TUFT1: variants seen among roughly 807,000 people sequenced by gnomAD.
The protein encoded by TUFT1 is tuftelin 1.
A neutral mutation model predicts 57.8 loss-of-function variants in TUFT1; 43 were observed. The observed-to-expected ratio is 0.74, with a 90% confidence interval of 0.58 to 0.96. The LOEUF (loss-of-function observed/expected upper bound fraction) is 0.96. TUFT1 is among the 40% of genes least tolerant of loss of function. The pLI is 0.00. For missense variants in TUFT1, 459 were observed against 489.0 expected (o/e 0.94, Z 0.58); for synonymous variants, 166 against 176.7 (o/e 0.94, Z 0.48).
At chr1:151,543,088 T>C (rs1221542808) in intron 1 of TUFT1, among the ~76,000 whole-genome samples, 2 of 152,312 alleles carry the variant, frequency 1.3e-5, no homozygotes, top group South Asian at 4.1e-4. Flanking sequence ...TGCCTTAGCG[T>C]ATCACATGTG....
intron 9 of TUFT1, among the ~76,000 whole-genome samples, chr1:151,577,132 A>G (rs1666492869): frequency 1.3e-5 from 2 of 152,188 alleles, no homozygotes; most frequent in African/African-American, 4.8e-5. Flanking sequence ...CAAATGAACA[A>G]ACAGATGAGG....
intron 6 of TUFT1, among the ~76,000 whole-genome samples, chr1:151,566,674 AT>A (rs1479368673): frequency 6.6e-6 from 1 of 152,206 alleles, no homozygotes; most frequent in African/African-American, 2.4e-5. Context: ...AGACAACCAT[AT>A]TTAAATATCA....
At chr1:151,553,174 C>T (rs545697991) in intron 1 of TUFT1, among the ~76,000 whole-genome samples, 15 of 152,214 alleles carry the variant, frequency 9.9e-5, no homozygotes, top group Non-Finnish European at 2.1e-4. Context: ...TCACAGCAAC[C>T]TCCACCTCCC....
intron 1 of TUFT1, among the ~76,000 whole-genome samples, chr1:151,560,835 AG>A (rs1384456996): frequency 2.6e-5 from 4 of 152,204 alleles, no homozygotes; most frequent in African/African-American, 9.7e-5. Flanking sequence ...TGCATAGTGC[AG>A]GTGATTTACT....
chr1:151,549,263 A>G (rs1341296657), intron 1 of TUFT1, among the ~76,000 whole-genome samples: 1 of 152,174 alleles, frequency 6.6e-6, no homozygotes, highest in African/African-American at 2.4e-5. Flanking sequence ...GCCTGCTCAT[A>G]GTCCTGAGGA....
chr1:151,569,909 C>T (rs1454369711), intron 7 of TUFT1, 139 bp downstream of exon 7: 11 of 693,566 alleles, frequency 1.6e-5, no homozygotes, highest in African/African-American at 5.4e-5. Context: ...AAGCCTGGAA[C>T]GCTTGTCTGC....
At chr1:151,561,906 A>T in intron 1 of TUFT1, 185 bp from the exon 2 acceptor site, 1 of 1,516,056 alleles carries the variant, frequency 6.6e-7, no homozygotes, top group Non-Finnish European at 8.9e-7. Context: ...CAGAGTCACC[A>T]CCCCAAACAC....
Position 151,565,997 on chromosome 1 carries a change from C to T in TUFT1, c.415-166C>T, listed in dbSNP as rs747767035. On this transcript the variant is annotated intron_variant, in intron 5 of 12. Coordinates refer to ENST00000368849, the MANE Select transcript of TUFT1 (RefSeq NM_020127.3). ...TCCTCTTCTCCTTTCTTCATTCCTT[C>T]CTTTTTCTCCCTCCCTTTCTTTTTC... The T allele has an allele frequency of 1.5e-5, 7 of 481,064 alleles. No homozygotes were observed. In the Admixed American group the frequency reaches 2.2e-4, roughly 15 times the overall value. The allele number at this position is 481,064 out of a possible 1,614,324, so 29.8% of individuals were successfully genotyped here.
Position 151,540,335 on chromosome 1 carries a change from A to C in TUFT1, c.-32A>C. ...GTTGGAGCCAGACAGCGGGGTGGACAAGTGGCGTGTGTGCTGCGACCCCGA... is the reference window on the plus strand; with the variant it reads ...GTTGGAGCCAGACAGCGGGGTGGACCAGTGGCGTGTGTGCTGCGACCCCGA... On this transcript the variant is annotated 5_prime_UTR_variant, in exon 1 of 13. Transcript: ENST00000368849. The C allele has an allele frequency of 6.2e-7, 1 of 1,613,808 alleles. No individual in the cohort carries two copies. Among genetic ancestry groups the C allele is most frequent in the South Asian group, 1.1e-5 (1 of 91,072 alleles).
Position 151,569,644 on chromosome 1 carries a change from G to T in TUFT1, c.481-13G>T, listed in dbSNP as rs767736547. 9.9e-6 allele frequency: 16 copies of T among 1,610,402 alleles called. No homozygotes were observed. Among genetic ancestry groups the T allele is most frequent in the Non-Finnish European group, 1.4e-5 (16 of 1,177,134 alleles). ...TTGAGGGCTTCCCCTTCCCTTCCTT[G>T]TTCTGGCTGTAGGTGGACACCTGTA... On this transcript the variant is annotated splice_polypyrimidine_tract_variant and intron_variant, in intron 6 of 12. Coordinates refer to ENST00000368849, the MANE Select transcript of TUFT1 (RefSeq NM_020127.3).
intron 1 of TUFT1, among the ~76,000 whole-genome samples, chr1:151,553,335 C>T (rs1665569989): frequency 6.6e-6 from 1 of 152,098 alleles, no homozygotes; most frequent in South Asian, 2.1e-4. Context: ...CGTGATCTGC[C>T]CACGCCTCCC....
At chr1:151,546,158 T>C (rs996125877) in intron 1 of TUFT1, among the ~76,000 whole-genome samples, 2 of 151,990 alleles carry the variant, frequency 1.3e-5, no homozygotes, top group Admixed American at 1.3e-4. Context: ...GCCAGAGAGG[T>C]TCTCCAACAC....
In TUFT1 at chr1:151,581,915, C is replaced by G; in HGVS notation, c.*208C>G. ...GAGCACCTATTCAAGGCACTGCAGC[C>G]CTTTGGAAGACATTGTCCTGCAAGC... On this transcript the variant is annotated 3_prime_UTR_variant, in exon 13 of 13. Transcript: ENST00000368849. The G allele has an allele frequency of 3.2e-6, 2 of 627,034 alleles. No individual in the cohort carries two copies. The highest frequency in any genetic ancestry group is 5.7e-6 in the Non-Finnish European group (2 of 349,052). The allele number at this position is 627,034 out of a possible 1,614,324, so 38.8% of individuals were successfully genotyped here.
At chr1:151,560,021 C>G (rs530017462) in intron 1 of TUFT1, among the ~76,000 whole-genome samples, 2 of 150,550 alleles carry the variant, frequency 1.3e-5, no homozygotes, top group Admixed American at 1.3e-4. Flanking sequence ...GTCTCGAACT[C>G]CTGACCTCAG....
Position 151,564,801 on chromosome 1 carries a change from T to TAA in TUFT1, c.414+188_414+189insAA, listed in dbSNP as rs1406152704. ...TAGGACTCTCCAGCCGATGAGCACT[T>TAA]ACATTTACACATGTCAGCTTAAACA... On this transcript the variant is annotated intron_variant, in intron 5 of 12. Coordinates refer to ENST00000368849, the MANE Select transcript of TUFT1 (RefSeq NM_020127.3). 2.4e-5 allele frequency: 13 copies of TAA among 541,158 alleles called. 1 individual carries two copies. The East Asian group carries it at 3.9e-4, about 16-fold the overall frequency. The allele number at this position is 541,158 out of a possible 1,614,324, so 33.5% of individuals were successfully genotyped here. A position where few individuals can be genotyped will look rare whatever the true frequency, so the allele number is the denominator to read the frequency against.
chr1:151,575,156 A>T, intron 9 of TUFT1, 151 bp downstream of exon 9: 1 of 702,664 alleles, frequency 1.4e-6, no homozygotes. Flanking sequence ...GAGCTTGCTC[A>T]GGGTGGAGCC....
chr1:151,574,774 A>G, intron 8 of TUFT1, 137 bp from the exon 9 acceptor site: 3 of 744,342 alleles, frequency 4.0e-6, no homozygotes, highest in Non-Finnish European at 6.7e-6. Flanking sequence ...CTCCCCATCA[A>G]ACCAGCTCAT....
chr1:151,567,428 CTCA>C (rs1424194516), intron 6 of TUFT1, among the ~76,000 whole-genome samples: 1 of 151,880 alleles, frequency 6.6e-6, no homozygotes, highest in South Asian at 2.1e-4. Context: ...AAGACAGGGT[CTCA>C]TCATGTTTCC....
At chr1:151,570,952 G>A (rs994032591) in intron 7 of TUFT1, among the ~76,000 whole-genome samples, 4 of 151,862 alleles carry the variant, frequency 2.6e-5, no homozygotes, top group Admixed American at 6.6e-5. Flanking sequence ...AGCAGTCTGC[G>A]TGCCTTAGCC....
Sources: gnomAD v4.1 joint callset for allele counts (sites outside exome capture counted in the v4.1 genomes callset) on GRCh38, gnomAD v4.1.1 for gene constraint, MANE v1.5 for transcripts, NCBI Gene and HGNC (gene_info 2026-07-23, HGNC 2026-07-21) for gene names.